The following DNAH3 variants were observed in gnomAD, a reference collection of about 807,000 sequenced individuals.
The protein encoded by DNAH3 is axonemal beta dynein heavy chain 3.
In DNAH3, 332 loss-of-function variants were observed where a neutral mutation model predicts 432.5. That is an observed-to-expected ratio of 0.77 (90% CI 0.70 to 0.84). The LOEUF (loss-of-function observed/expected upper bound fraction) is 0.84. DNAH3 is among the 40% of genes least tolerant of loss of function. The pLI, the probability that DNAH3 is intolerant of heterozygous loss-of-function variation, is 0.00. For synonymous variants in DNAH3, 1,956 were observed against 1,900.2 expected (o/e 1.03, Z -0.76); for missense variants, 4,861 against 5,114.0 (o/e 0.95, Z 1.51).
intron 48 of DNAH3, among the ~76,000 whole-genome samples, chr16:20,983,464 TC>T (rs11336679): frequency 0.17 from 25,159 of 152,040 alleles, 2,312 homozygotes; most frequent in African/African-American, 0.24. Flanking sequence ...ACACTATTGT[TC>T]CTTCCGCATC....
At chr16:21,036,994 T>C (rs2089203893) in intron 34 of DNAH3, 146 bp from the exon 35 acceptor site, 4 of 664,222 alleles carry the variant, frequency 6.0e-6, no homozygotes, top group Non-Finnish European at 1.0e-5. Flanking sequence ...TTTTCTACAA[T>C]TACAAATGAA....
chr16:20,961,304 T>C (rs760944455), intron 53 of DNAH3, among the ~76,000 whole-genome samples: 1 of 151,932 alleles, frequency 6.6e-6, no homozygotes, highest in Non-Finnish European at 1.5e-5. Context: ...ATGAGAACAC[T>C]TGGACACAGG....
chr16:21,040,358 A>ATCTTTTTTTTTTTTTTTTTTTT lies in DNAH3; in HGVS notation c.4639-416_4639-415insAAAAAAAAAAAAAAAAAAAAGA, dbSNP rs771791969. Among the ~76,000 whole-genome samples, 31 of 79,744 alleles carry ATCTTTTTTTTTTTTTTTTTTTT rather than the reference A, an allele frequency of 3.9e-4. 6 individuals carry two copies. The highest frequency in any genetic ancestry group is 1.6e-3 in the African/African-American group (29 of 17,760). The allele number at this position is 79,744 out of a possible 152,430, so 52.3% of individuals were successfully genotyped here. ...TCAGAAGAATCCCAAAGCCAGACAG[A>ATCTTTTTTTTTTTTTTTTTTTT]TTTTTTTTTTTTTTTTTTTTTTTTT... On this transcript the variant is annotated intron_variant, in intron 32 of 61. Coordinates refer to ENST00000261383, the Ensembl canonical transcript of DNAH3.
chr16:21,084,122 G>A (rs1361027279), intron 19 of DNAH3, among the ~76,000 whole-genome samples: 4 of 151,958 alleles, frequency 2.6e-5, no homozygotes, highest in East Asian at 3.9e-4. Context: ...CTAGCCATCT[G>A]ACAATTCATC....
rs77469689 is a variant in DNAH3, at chr16:21,026,895, G to C, written c.5540+132C>G. 9.3e-3 allele frequency: 5,812 copies of C among 623,286 alleles called. 36 individuals are homozygous for C. The highest frequency in any genetic ancestry group is 0.013 in the Middle Eastern group (30 of 2,250). 38.6% of individuals were successfully genotyped at this position (623,286 alleles called of 1,614,324 possible). A position where few individuals can be genotyped will look rare whatever the true frequency, so the allele number is the denominator to read the frequency against. ...CCCCTGGAACCTAAAATAAAAATTG[G>C]AAAGAAAAATAATAATAATGTAGAT... On this transcript the variant is annotated intron_variant, in intron 38 of 61. Transcript: ENST00000261383.
At chr16:21,092,613 T>C (rs1472134214) in intron 18 of DNAH3, among the ~76,000 whole-genome samples, 1 of 128,232 alleles carries the variant, frequency 7.8e-6, no homozygotes, top group Non-Finnish European at 1.6e-5. Flanking sequence ...GGGAAAAAAA[T>C]GATAAACTAG....
chr16:21,070,707 T>TA lies in DNAH3; in HGVS notation c.3201+2dup. 4 of 1,594,678 alleles carry TA rather than the reference T, an allele frequency of 2.5e-6. No homozygotes were observed. Among genetic ancestry groups the TA allele is most frequent in the Non-Finnish European group, 3.4e-6 (4 of 1,162,474 alleles). On this transcript the variant is annotated splice_region_variant and intron_variant, in intron 22 of 61. Transcript: ENST00000261383. The stretch of plus-strand genomic sequence containing the variant: ...CAAAGCATTCAACTTCATTTCCTCT[T>TA]ACCCGGCATTCTGCTTCTATTGGTT...
exon 47 of DNAH3, chr16:20,987,370 T>C (rs749707558): frequency 6.2e-7 from 1 of 1,614,242 alleles, no homozygotes; most frequent in African/African-American, 1.3e-5. Context: ...AAGACCTGTC[T>C]GTCCTCCTTG....
intron 53 of DNAH3, among the ~76,000 whole-genome samples, chr16:20,961,992 C>T (rs2084844957): frequency 6.6e-6 from 1 of 151,652 alleles, no homozygotes; most frequent in Non-Finnish European, 1.5e-5. Flanking sequence ...GAAACTCCAT[C>T]TCTACTAAAA....
intron 1 of DNAH3, among the ~76,000 whole-genome samples, chr16:21,149,484 G>A (rs2092826639): frequency 6.6e-6 from 1 of 152,148 alleles, no homozygotes; most frequent in African/African-American, 2.4e-5. Context: ...GCAGCTTATT[G>A]CTGATTACAC....
At chr16:20,935,968 T>C (rs916580264) in intron 60 of DNAH3, among the ~76,000 whole-genome samples, 1 of 151,938 alleles carries the variant, frequency 6.6e-6, no homozygotes, top group Non-Finnish European at 1.5e-5. Flanking sequence ...TCTCCAGCAA[T>C]AGTCGCCATG....
intron 51 of DNAH3, among the ~76,000 whole-genome samples, chr16:20,971,321 C>A (rs1752759501): frequency 6.6e-6 from 1 of 152,074 alleles, no homozygotes; most frequent in African/African-American, 2.4e-5. Context: ...ATTTCATTTG[C>A]ATTCCTACTG....
At chr16:20,942,386 T>C (rs957898387) in intron 58 of DNAH3, among the ~76,000 whole-genome samples, 1 of 152,146 alleles carries the variant, frequency 6.6e-6, no homozygotes, top group Non-Finnish European at 1.5e-5. Flanking sequence ...GAACAAGACC[T>C]GAGTGTGGGA....
chr16:21,134,454 A>G, exon 7 of DNAH3: 1 of 1,613,576 alleles, frequency 6.2e-7, no homozygotes, highest in Admixed American at 1.7e-5. Context: ...GATGTAATCA[A>G]CTACAACCGG....
At chr16:21,005,298 C>G (rs1187537702) in intron 41 of DNAH3, among the ~76,000 whole-genome samples, 2 of 147,210 alleles carry the variant, frequency 1.4e-5, no homozygotes, top group African/African-American at 5.0e-5. Flanking sequence ...TTGCTTCCCT[C>G]CTTCCCTCCT....
At chr16:20,955,200 T>G (rs2084507323) in intron 54 of DNAH3, 143 bp from the exon 55 acceptor site, 1 of 777,804 alleles carries the variant, frequency 1.3e-6, no homozygotes, top group Admixed American at 3.2e-5. Context: ...AAACATTATT[T>G]TATTGATAAA....
At chr16:20,948,525 A>G (rs2084159208) in exon 57 of DNAH3, 9 of 1,614,048 alleles carry the variant, frequency 5.6e-6, no homozygotes, top group Non-Finnish European at 7.6e-6. Flanking sequence ...TGTCTCCAGG[A>G]GCGAGGGAGT....
intron 49 of DNAH3, among the ~76,000 whole-genome samples, chr16:20,981,015 A>G (rs757427658): frequency 1.3e-5 from 2 of 152,234 alleles, no homozygotes; most frequent in Non-Finnish European, 2.9e-5. Flanking sequence ...GGTGAATTCA[A>G]CTAGGCCCAT....
In DNAH3 at chr16:20,969,791, C is replaced by A; in HGVS notation, c.8458+1G>T. Reference sequence around the variant, plus strand: ...AGGCATCTGGGTGGGGTGGCACTTACCGGAGCCACTGGGGTCTGGCTTCCT... The same window carrying A: ...AGGCATCTGGGTGGGGTGGCACTTAACGGAGCCACTGGGGTCTGGCTTCCT... On this transcript the variant is annotated splice_donor_variant, in intron 52 of 61. Transcript: ENST00000261383. LOFTEE classifies it high-confidence loss of function. The A allele has an allele frequency of 1.2e-6, 2 of 1,614,098 alleles. No individual in the cohort carries two copies. The highest frequency in any genetic ancestry group is 8.5e-7 in the Non-Finnish European group (1 of 1,180,010).
Sources: allele counts gnomAD v4.1 joint callset (sites outside exome capture counted in the v4.1 genomes callset), GRCh38; gene constraint gnomAD v4.1.1; transcripts MANE v1.5; gene names NCBI Gene and HGNC (gene_info 2026-07-23, HGNC 2026-07-21).